HS1BP3: variants seen among roughly 807,000 people sequenced by gnomAD.
The protein encoded by HS1BP3 is HCLS1 binding protein 3, also known as HCLS1-binding protein 3.
HS1BP3 carries 32 observed loss-of-function variants against 33.5 expected under a neutral mutation model. That is an observed-to-expected ratio of 0.95 (90% CI 0.72 to 1.28). The LOEUF is 1.28. Among genes scored for constraint, HS1BP3 ranks in the 50% most tolerant of loss-of-function variants. The pLI, the probability that HS1BP3 is intolerant of heterozygous loss-of-function variation, is 0.00. For missense variants in HS1BP3, 486 were observed against 502.3 expected (o/e 0.97, Z 0.31); for synonymous variants, 187 against 209.2 (o/e 0.89, Z 0.92).
downstream of HS1BP3, among the ~76,000 whole-genome samples, chr2:20,587,733 G>A (rs1413259697): frequency 1.4e-5 from 2 of 147,410 alleles, no homozygotes; most frequent in African/African-American, 2.7e-5. Flanking sequence ...GCGACAGAGC[G>A]AGACTCTGTC....
intron 2 of HS1BP3, among the ~76,000 whole-genome samples, chr2:20,612,626 T>C (rs940827006): frequency 2.0e-5 from 3 of 152,248 alleles, no homozygotes; most frequent in East Asian, 1.9e-4. Flanking sequence ...TAGATCCATA[T>C]TGCAGCATGT....
intron 5 of HS1BP3, chr2:20,586,290 A>G (rs1395233620): frequency 1.3e-5 from 2 of 152,218 alleles, no homozygotes; most frequent in East Asian, 3.9e-4. Context: ...AAGATCAGAC[A>G]TCTTTCACAA....
intron 5 of HS1BP3, chr2:20,560,651 G>A (rs1692969314): frequency 6.6e-6 from 1 of 152,220 alleles, no homozygotes; most frequent in Non-Finnish European, 1.5e-5. Flanking sequence ...TCATTTGACA[G>A]AGTCAGAAAC....
At chr2:20,610,744 G>A (rs1439415161) in intron 2 of HS1BP3, among the ~76,000 whole-genome samples, 1 of 152,204 alleles carries the variant, frequency 6.6e-6, no homozygotes, top group Non-Finnish European at 1.5e-5. Context: ...AAATACCAAG[G>A]AGCACAAATG....
Position 20,631,446 on chromosome 2 carries a change from T to C in HS1BP3, c.624-6554A>G, listed in dbSNP as rs147017860. Reference sequence around the variant, plus strand: ...GGGAGGATCAGTTAAGTCTGGGAGGTTGAAGCTGTAGTTAGCTGAGATCAC... The same window carrying C: ...GGGAGGATCAGTTAAGTCTGGGAGGCTGAAGCTGTAGTTAGCTGAGATCAC... On this transcript the variant is annotated intron_variant, in intron 4 of 6. Coordinates refer to ENST00000304031, the MANE Select transcript of HS1BP3 (RefSeq NM_022460.4). Among the ~76,000 whole-genome samples the C allele has an allele frequency of 5.6e-3, 776 of 137,936 alleles. 6 individuals carry two copies. The highest frequency in any genetic ancestry group is 0.02 in the African/African-American group (747 of 36,674). 90.5% of individuals were successfully genotyped at this position (137,936 alleles called of 152,430 possible). A position where few individuals can be genotyped will look rare whatever the true frequency, so the allele number is the denominator to read the frequency against.
At chr2:20,648,228 G>A (rs1340798602) in intron 1 of HS1BP3, among the ~76,000 whole-genome samples, 1 of 152,156 alleles carries the variant, frequency 6.6e-6, no homozygotes, top group Non-Finnish European at 1.5e-5. Context: ...GCTTTGACCC[G>A]ACATTCCCCT....
In HS1BP3 at chr2:20,618,936, AC is replaced by A; in HGVS notation, c.*50del. 6.3e-7 allele frequency: 1 copy of A among 1,575,416 alleles called. No individual in the cohort carries two copies. Among genetic ancestry groups the A allele is most frequent in the African/African-American group, 1.3e-5 (1 of 74,192 alleles). Reference sequence around the variant, plus strand: ...GCAGGGCCCAGTCCCTTCCCTTCACACCGATGTCCCCACAGACAGGCCTGCT... The same window carrying A: ...GCAGGGCCCAGTCCCTTCCCTTCACACGATGTCCCCACAGACAGGCCTGCT... On this transcript the variant is annotated 3_prime_UTR_variant, in exon 7 of 7. Coordinates refer to ENST00000304031, the MANE Select transcript of HS1BP3 (RefSeq NM_022460.4).
rs189783658 is a variant in HS1BP3, at chr2:20,649,836, A to C, written c.32+1196T>G. On this transcript the variant is annotated intron_variant, in intron 1 of 6. Coordinates refer to ENST00000304031, the MANE Select transcript of HS1BP3 (RefSeq NM_022460.4). ...CGCCAGCGCCCCCACATCTGTTAAC[A>C]AGCCACGTCCAGGCTGTGCAGCGGG... is the stretch of plus-strand genomic sequence containing the variant. 5.9e-5 allele frequency among the ~76,000 whole-genome samples: 9 copies of C among 152,280 alleles called. No individual in the cohort carries two copies. In the East Asian group the frequency reaches 1.7e-3, roughly 29 times the overall value.
At chr2:20,587,700 C>T (rs1450293330), downstream of HS1BP3, among the ~76,000 whole-genome samples, 1 of 151,976 alleles carries the variant, frequency 6.6e-6, no homozygotes, top group East Asian at 1.9e-4. Flanking sequence ...GAGCTGAGAT[C>T]GCACTACTGC....
chr2:20,633,279 C>G (rs1280415791), intron 4 of HS1BP3, among the ~76,000 whole-genome samples: 2 of 152,186 alleles, frequency 1.3e-5, no homozygotes, highest in Non-Finnish European at 2.9e-5. Flanking sequence ...GCAAAGCTGC[C>G]CAGGGCTACC....
chr2:20,641,124 A>G lies in HS1BP3; in HGVS notation c.255T>C (p.Tyr85=), dbSNP rs1359611347. The part of the protein sequence containing the change: ...EEFYQKLSSR[Y]AAASLPPLPR... ...GTAGTGGGGGGAGGCTGGCTGCTGCATAACGACTGCTCAGTTTCTGGTAAA... is the reference window on the plus strand; with the variant it reads ...GTAGTGGGGGGAGGCTGGCTGCTGCGTAACGACTGCTCAGTTTCTGGTAAA... The change falls in exon 3 of 7, where the codon TAT becomes TAC. Residue 85 remains tyrosine, a synonymous_variant. Transcript: ENST00000304031. The G allele has an allele frequency of 1.9e-6, 3 of 1,612,676 alleles. No homozygotes were observed. The highest frequency in any genetic ancestry group is 1.3e-5 in the African/African-American group (1 of 74,958).
chr2:20,570,935 G>C (rs1292171182), intron 5 of HS1BP3, among the ~76,000 whole-genome samples: 1 of 152,266 alleles, frequency 6.6e-6, no homozygotes, highest in East Asian at 1.9e-4. Flanking sequence ...ATGCCGGCTG[G>C]GAGCTTGGAT....
At chr2:20,613,081 C>A (rs1264201141), downstream of HS1BP3, among the ~76,000 whole-genome samples, 1 of 152,182 alleles carries the variant, frequency 6.6e-6, no homozygotes, top group Non-Finnish European at 1.5e-5. Context: ...AGCCTCTCTG[C>A]AGCTTCTGAT....
intron 6 of HS1BP3, chr2:20,622,392 G>A (rs1318139729): frequency 1.0e-5 from 12 of 1,188,956 alleles, no homozygotes; most frequent in African/African-American, 6.3e-5. Context: ...GTGGGGGTGC[G>A]GGACCCACAC....
intron 5 of HS1BP3, among the ~76,000 whole-genome samples, chr2:20,575,696 G>C (rs1264469693): frequency 1.3e-5 from 2 of 152,180 alleles, no homozygotes; most frequent in African/African-American, 2.4e-5. Context: ...CCACGGGCCT[G>C]GCCCATGTGC....
intron 5 of HS1BP3, among the ~76,000 whole-genome samples, chr2:20,561,205 C>T (rs1004809076): frequency 2.0e-5 from 3 of 152,194 alleles, no homozygotes; most frequent in Admixed American, 6.5e-5. Context: ...GCTCCCCAGT[C>T]TTCTCCTGTG....
chr2:20,625,309 C>T (rs150595705), intron 4 of HS1BP3, among the ~76,000 whole-genome samples: 43 of 152,334 alleles, frequency 2.8e-4, no homozygotes, highest in East Asian at 2.7e-3. Context: ...CCAGACAACC[C>T]CAGCTCTTAG....
Position 20,611,244 on chromosome 2 carries a change from A to G in HS1BP3, c.178+12652T>C, listed in dbSNP as rs1005920386. On this transcript the variant is annotated intron_variant, in intron 2 of 3. Transcript: ENST00000415264. The surrounding 1 kb of genome is among the most constrained non-coding windows in gnomAD (Gnocchi z 4.9). Reference sequence around the variant, plus strand: ...TGTTTCCTTTGGGGGAGGAACCCTTATGAATAATGTTGCTGTGAACATTCG... The same window carrying G: ...TGTTTCCTTTGGGGGAGGAACCCTTGTGAATAATGTTGCTGTGAACATTCG... 3.3e-5 allele frequency among the ~76,000 whole-genome samples: 5 copies of G among 152,192 alleles called. No homozygotes were observed. Among genetic ancestry groups the G allele is most frequent in the Non-Finnish European group, 5.9e-5 (4 of 68,044 alleles).
At chr2:20,616,991 G>A (rs573959781), downstream of HS1BP3, among the ~76,000 whole-genome samples, 7 of 152,190 alleles carry the variant, frequency 4.6e-5, no homozygotes, top group Non-Finnish European at 7.4e-5. Context: ...AGGAGGTGGC[G>A]TCCACAGTGG....
Sources: allele counts gnomAD v4.1 joint callset (sites outside exome capture counted in the v4.1 genomes callset), GRCh38; gene constraint gnomAD v4.1.1; non-coding constraint Gnocchi (gnomAD v3.1); transcripts MANE v1.5; gene names NCBI Gene and HGNC (gene_info 2026-07-23, HGNC 2026-07-21).